Variants in AMD1 observed in about 807,000 individuals in gnomAD.
AMD1 encodes S-adenosylmethionine decarboxylase proenzyme.
In AMD1, 11 loss-of-function variants were observed where a neutral mutation model predicts 40.2. The ratio of observed to expected loss-of-function variants is 0.27; its 90% CI spans 0.17 to 0.45. The LOEUF (loss-of-function observed/expected upper bound fraction) is 0.45, where lower values mean the gene tolerates loss of function less well. Among genes scored for constraint, AMD1 ranks in the 20% least tolerant of loss-of-function variants. The pLI is 1.00. For missense variants in AMD1, 257 were observed against 410.2 expected, an observed-to-expected ratio of 0.63 and a Z score of 3.23; for synonymous variants, 121 against 130.8, an observed-to-expected ratio of 0.93 and a Z score of 0.51.
intron 1 of AMD1, among the ~76,000 whole-genome samples, chr6:110,876,643 A>C (rs972394573): frequency 6.6e-6 from 1 of 152,142 alleles, no homozygotes; most frequent in Non-Finnish European, 1.5e-5. Flanking sequence ...TGTGACACTT[A>C]AAATGTCTAT....
the AMD1 span, among the ~76,000 whole-genome samples, chr6:110,834,010 C>T: frequency 1.3e-5 from 2 of 151,894 alleles, no homozygotes; most frequent in African/African-American, 2.4e-5. Flanking sequence ...GTGATGCAAA[C>T]ATGGCTTACT....
Position 110,892,377 on chromosome 6 carries a change from G to A in AMD1, c.549G>A (p.Glu183=), listed in dbSNP as rs1385370542. Residue 183 remains glutamate (E), a synonymous_variant, in exon 6 of 9, where the codon GAG becomes GAA. Transcript: ENST00000368885. The part of the protein sequence containing the change: ...PDQTLEILMS[E]LDPAVMDQFY... ...AAACCTTGGAAATTCTGATGAGTGA[G>A]CTTGACCCAGCAGTTATGGACCAGT... 5.0e-6 allele frequency: 8 copies of A among 1,612,764 alleles called. No individual in the cohort carries two copies. The Admixed American group carries it at 1.2e-4, about 24-fold the overall frequency.
chr6:110,825,652 T>C, the AMD1 span, among the ~76,000 whole-genome samples: 3 of 152,208 alleles, frequency 2.0e-5, no homozygotes, highest in Non-Finnish European at 2.9e-5. Flanking sequence ...AGTTATCTAG[T>C]CAATCAGATT....
chr6:110,838,659 G>A, the AMD1 span, among the ~76,000 whole-genome samples: 4 of 152,046 alleles, frequency 2.6e-5, no homozygotes, highest in Non-Finnish European at 5.9e-5. Context: ...AGGAGTTTCA[G>A]ACCACCCTGG....
chr6:110,885,993 G>A (rs1448338070), intron 1 of AMD1, among the ~76,000 whole-genome samples: 1 of 152,208 alleles, frequency 6.6e-6, no homozygotes, highest in African/African-American at 2.4e-5. Context: ...GGTGGCTCAT[G>A]CCTGTAATCC....
At chr6:110,858,876 A>G in the AMD1 span, 1 of 807,218 alleles carries the variant, frequency 1.2e-6, no homozygotes, top group Non-Finnish European at 2.2e-6. Context: ...ATGGGTACAA[A>G]CAAGTGTGCC....
At chr6:110,890,420 C>G (rs1785948898) in intron 4 of AMD1, 64 bp downstream of exon 4, 2 of 1,145,764 alleles carry the variant, frequency 1.7e-6, no homozygotes, top group South Asian at 2.7e-5. Context: ...CCTCAGAGAT[C>G]TTTCTATATG....
the AMD1 span, among the ~76,000 whole-genome samples, chr6:110,860,131 A>C: frequency 6.6e-6 from 1 of 152,090 alleles, no homozygotes; most frequent in East Asian, 1.9e-4. Flanking sequence ...CCAGCCCCTC[A>C]GTAGGTTTTA....
chr6:110,892,568 C>CA (rs1357727907), intron 6 of AMD1, 125 bp downstream of exon 6: 5 of 1,450,672 alleles, frequency 3.4e-6, no homozygotes, highest in Non-Finnish European at 4.7e-6. Flanking sequence ...AAACTTGTGT[C>CA]ATGGGGGTTT....
At chr6:110,886,510 T>G (rs1785696278) in intron 1 of AMD1, among the ~76,000 whole-genome samples, 1 of 152,140 alleles carries the variant, frequency 6.6e-6, no homozygotes, top group Non-Finnish European at 1.5e-5. Flanking sequence ...TTCACCATGT[T>G]GGTCAGGCTG....
At chr6:110,858,349 G>T in the AMD1 span, 1 of 814,698 alleles carries the variant, frequency 1.2e-6, no homozygotes, top group South Asian at 1.4e-5. Context: ...TCCGCAGCTG[G>T]ATCGAGGGAC....
the AMD1 span, among the ~76,000 whole-genome samples, chr6:110,824,822 C>G: frequency 1.3e-5 from 2 of 152,064 alleles, no homozygotes; most frequent in African/African-American, 4.8e-5. Context: ...AACATGAGAG[C>G]TAACTTTTAT....
the AMD1 span, among the ~76,000 whole-genome samples, chr6:110,843,201 G>A: frequency 1.3e-5 from 2 of 151,624 alleles, no homozygotes; most frequent in Admixed American, 1.3e-4. Context: ...GGTGGTTCAC[G>A]CCTGAAATCG....
the AMD1 span, among the ~76,000 whole-genome samples, chr6:110,820,852 GAGATCGTGCCACAGCA>G: frequency 6.6e-6 from 1 of 152,072 alleles, no homozygotes; most frequent in Non-Finnish European, 1.5e-5. Context: ...ACAGTTAGCT[GAGATCGTGCCACAGCA>G]AGATCGTGCC....
intron 1 of AMD1, 41 bp downstream of exon 1, chr6:110,875,256 C>T: frequency 1.3e-6 from 2 of 1,496,110 alleles, no homozygotes; most frequent in Non-Finnish European, 1.8e-6. Flanking sequence ...GGCCTGGGGG[C>T]TGTCGCCGCC....
At chr6:110,863,188 G>A in the AMD1 span, among the ~76,000 whole-genome samples, 4 of 151,150 alleles carry the variant, frequency 2.6e-5, no homozygotes, top group Middle Eastern at 3.4e-3. Flanking sequence ...CTCGTGATCC[G>A]CCCGCCTCGG....
At chr6:110,857,487 T>C in the AMD1 span, among the ~76,000 whole-genome samples, 1 of 150,304 alleles carries the variant, frequency 6.7e-6, no homozygotes, top group Non-Finnish European at 1.5e-5. Context: ...GAGCCGAGAT[T>C]GTGCCATTGC....
chr6:110,817,215 C>T, the AMD1 span, among the ~76,000 whole-genome samples: 1 of 152,170 alleles, frequency 6.6e-6, no homozygotes, highest in Non-Finnish European at 1.5e-5. Flanking sequence ...GAATAGTGAA[C>T]TGCCTGCTAG....
chr6:110,815,053 T>C, the AMD1 span: 7 of 1,606,202 alleles, frequency 4.4e-6, no homozygotes, highest in Non-Finnish European at 5.9e-6. Context: ...AGGTGCCGCG[T>C]CCCACTTTGC....
Sources: gnomAD v4.1 joint callset for allele counts (sites outside exome capture counted in the v4.1 genomes callset) on GRCh38, gnomAD v4.1.1 for gene constraint, MANE v1.5 for transcripts, NCBI Gene and HGNC (gene_info 2026-07-23, HGNC 2026-07-21) for gene names.